NR1H4: variants seen among roughly 807,000 people sequenced by gnomAD.
The protein encoded by NR1H4 is nuclear receptor subfamily 1 group H member 4.
In NR1H4, 23 loss-of-function variants were observed where a neutral mutation model predicts 58.5. The observed-to-expected ratio is 0.39, with a 90% CI of 0.28 to 0.56. The LOEUF is 0.56. Ranked by LOEUF, NR1H4 falls within the 20% of genes least tolerant of loss-of-function variation. NR1H4 has a pLI of 0.58. For missense variants in NR1H4, 487 were observed against 576.9 expected (o/e 0.84, Z 1.60); for synonymous variants, 214 against 198.0 (o/e 1.08, Z -0.68).
chr12:100,513,920 A>G (rs1465028420), intron 4 of NR1H4, among the ~76,000 whole-genome samples: 1 of 152,232 alleles, frequency 6.6e-6, no homozygotes, highest in Non-Finnish European at 1.5e-5. Flanking sequence ...AATTAAAATA[A>G]ACAAAAATAA....
Position 100,536,569 on chromosome 12 carries a change from T to G in NR1H4, c.790T>G (p.Tyr264Asp), listed in dbSNP as rs768279128. The G allele has an allele frequency of 2.1e-5, 33 of 1,607,232 alleles. No individual in the cohort carries two copies. Among genetic ancestry groups the G allele is most frequent in the Non-Finnish European group, 2.7e-5 (32 of 1,174,064 alleles). The stretch of plus-strand genomic sequence containing the variant: ...TCTTCTACATTTTATTATGGATTCA[T>G]ATAACAAACAGAGGATGCCTCAGGA... ...QTLLHFIMDS[Y>D]NKQRMPQEIT... Residue 264 changes from tyrosine (Y) to aspartate (D), a missense_variant, in exon 7 of 11, where the codon TAT becomes GAT. Tyr to Asp is a radical substitution (Grantham distance 160). Coordinates refer to ENST00000392986, the MANE Select transcript of NR1H4 (RefSeq NM_001206979.2).
intron 4 of NR1H4, among the ~76,000 whole-genome samples, chr12:100,522,065 C>T (rs2136200284): frequency 6.6e-6 from 1 of 151,546 alleles, no homozygotes; most frequent in East Asian, 2.0e-4. Context: ...TTAGACTCCC[C>T]ACCTGTAAGA....
chr12:100,544,194 G>A (rs1422981058), intron 9 of NR1H4, among the ~76,000 whole-genome samples: 1 of 147,946 alleles, frequency 6.8e-6, no homozygotes, highest in African/African-American at 2.5e-5. Flanking sequence ...GGAGCTTACA[G>A]TGAGCCGAGA....
At chr12:100,532,123 T>G (rs1314545155) in intron 4 of NR1H4, among the ~76,000 whole-genome samples, 1 of 152,220 alleles carries the variant, frequency 6.6e-6, no homozygotes, top group Non-Finnish European at 1.5e-5. Context: ...GTGAATTGTT[T>G]GCCTTTGTAC....
At chr12:100,496,569 T>C (rs1486205032) in intron 3 of NR1H4, among the ~76,000 whole-genome samples, 2 of 152,162 alleles carry the variant, frequency 1.3e-5, no homozygotes, top group South Asian at 2.1e-4. Flanking sequence ...TCAAGTTCAG[T>C]TGGTAAAAGT....
intron 3 of NR1H4, among the ~76,000 whole-genome samples, chr12:100,506,002 A>C (rs1441646505): frequency 1.4e-5 from 2 of 141,028 alleles, no homozygotes; most frequent in East Asian, 2.1e-4. Flanking sequence ...AAGTGTTTAT[A>C]ACACACACAC....
chr12:100,502,209 G>A (rs1953851666), intron 3 of NR1H4, among the ~76,000 whole-genome samples: 1 of 152,172 alleles, frequency 6.6e-6, no homozygotes, highest in African/African-American at 2.4e-5. Flanking sequence ...AATGGTTCAG[G>A]AATTTGTCCA....
chr12:100,486,081 C>T (rs190193200), intron 1 of NR1H4, among the ~76,000 whole-genome samples: 281 of 152,016 alleles, frequency 1.8e-3, no homozygotes, highest in African/African-American at 6.4e-3. Context: ...CCTATTATTT[C>T]GATTTAAATC....
chr12:100,560,294 C>T (rs1811206679), intron 9 of NR1H4, among the ~76,000 whole-genome samples: 1 of 152,208 alleles, frequency 6.6e-6, no homozygotes, highest in Non-Finnish European at 1.5e-5. Flanking sequence ...GCATTGGCAA[C>T]CCACTCGGGT....
intron 5 of NR1H4, among the ~76,000 whole-genome samples, chr12:100,534,566 G>A (rs551753618): frequency 3.9e-5 from 6 of 151,976 alleles, no homozygotes; most frequent in Non-Finnish European, 7.4e-5. Context: ...CATATCACAA[G>A]TTCTTTATAT....
intron 9 of NR1H4, among the ~76,000 whole-genome samples, chr12:100,554,107 G>C (rs1213457066): frequency 1.3e-5 from 2 of 152,196 alleles, no homozygotes; most frequent in Non-Finnish European, 2.9e-5. Flanking sequence ...AGATGAATCG[G>C]TGTTATTAGT....
At chr12:100,528,808 G>C (rs1954624091) in intron 4 of NR1H4, among the ~76,000 whole-genome samples, 1 of 152,124 alleles carries the variant, frequency 6.6e-6, no homozygotes, top group African/African-American at 2.4e-5. Context: ...CCTGCAGAAT[G>C]GTTCTACGCA....
At chr12:100,484,294 AGT>A (rs1197994214) in intron 1 of NR1H4, among the ~76,000 whole-genome samples, 1 of 152,152 alleles carries the variant, frequency 6.6e-6, no homozygotes, top group Non-Finnish European at 1.5e-5. Context: ...TAATTGCAGC[AGT>A]GTCTTTCCAA....
At chr12:100,562,702 AATG>A in intron 10 of NR1H4, among the ~76,000 whole-genome samples, 1 of 152,242 alleles carries the variant, frequency 6.6e-6, no homozygotes, top group East Asian at 1.9e-4. Flanking sequence ...TGGTTGTTGA[AATG>A]ATACCTCTTT....
rs1955061244 is a variant in NR1H4 at position 100,546,000 on chromosome 12, G to T, written c.1078+5182G>T. On this transcript the variant is annotated intron_variant, in intron 9 of 10. Transcript: ENST00000392986. ...ACAGTCCTGAGAAAGTCTCAGCTAG[G>T]CCATTGGAGAGGGACCTAGTCCGAG... Among the ~76,000 whole-genome samples, 3 of 152,090 alleles carry T rather than the reference G, an allele frequency of 2.0e-5. No homozygotes were observed. In the South Asian group the frequency reaches 6.2e-4, roughly 31 times the overall value.
At chr12:100,501,761 T>G (rs941256771) in intron 3 of NR1H4, among the ~76,000 whole-genome samples, 1 of 152,172 alleles carries the variant, frequency 6.6e-6, no homozygotes, top group Non-Finnish European at 1.5e-5. Context: ...CATTTTATCT[T>G]CAGAACAGGC....
At chr12:100,491,418 C>T (rs904703706) in intron 1 of NR1H4, among the ~76,000 whole-genome samples, 8 of 151,150 alleles carry the variant, frequency 5.3e-5, no homozygotes, top group East Asian at 2.0e-4. Flanking sequence ...TTGCATTGGA[C>T]GGATCTGCCT....
chr12:100,527,566 G>A (rs912326820), intron 4 of NR1H4, among the ~76,000 whole-genome samples: 1 of 152,038 alleles, frequency 6.6e-6, no homozygotes, highest in African/African-American at 2.4e-5. Flanking sequence ...TAGGGTGTGA[G>A]CTTATCAAGG....
intron 9 of NR1H4, among the ~76,000 whole-genome samples, chr12:100,552,320 A>G (rs1955221194): frequency 6.6e-6 from 1 of 152,242 alleles, no homozygotes; most frequent in Admixed American, 6.5e-5. Flanking sequence ...TAAATATTTT[A>G]TACTTAAAGT....
Sources: gnomAD v4.1 joint callset for allele counts (sites outside exome capture counted in the v4.1 genomes callset) on GRCh38, gnomAD v4.1.1 for gene constraint, MANE v1.5 for transcripts, NCBI Gene and HGNC (gene_info 2026-07-23, HGNC 2026-07-21) for gene names.